PIK3C2G: variants seen among roughly 807,000 people sequenced by gnomAD.
The protein encoded by PIK3C2G is phosphatidylinositol-4-phosphate 3-kinase catalytic subunit type 2 gamma, also known as phosphatidylinositol 3-kinase C2 domain-containing subunit gamma.
A neutral mutation model predicts 181.1 loss-of-function variants in PIK3C2G; 168 were observed. The ratio of observed to expected loss-of-function variants is 0.93; its 90% confidence interval spans 0.82 to 1.05. The LOEUF is 1.05. Among genes scored for constraint, PIK3C2G ranks in the 50% least tolerant of loss-of-function variants. The probability of loss-of-function intolerance (pLI) is 0.00; values close to 1 mark genes in which losing one functional copy is unlikely to be tolerated. For missense variants in PIK3C2G, 1,869 were observed against 1,732.8 expected, an observed-to-expected ratio of 1.08 and a Z score of -1.40; for synonymous variants, 573 against 592.2, an observed-to-expected ratio of 0.97 and a Z score of 0.47.
chr12:18,644,727 T>C (rs900951905), intron 32 of PIK3C2G, among the ~76,000 whole-genome samples: 2 of 152,156 alleles, frequency 1.3e-5, no homozygotes, highest in African/African-American at 2.4e-5. Context: ...AGCCCAGAAC[T>C]GCCTGATTCC....
intron 1 of PIK3C2G, among the ~76,000 whole-genome samples, chr12:18,280,871 T>C (rs957875429): frequency 2.2e-4 from 34 of 151,882 alleles, no homozygotes; most frequent in Non-Finnish European, 4.0e-4. Context: ...GAGGGGAAGA[T>C]AGATTTAAGA....
At chr12:18,481,833 C>G (rs1939589294) in intron 18 of PIK3C2G, among the ~76,000 whole-genome samples, 1 of 152,030 alleles carries the variant, frequency 6.6e-6, no homozygotes, top group African/African-American at 2.4e-5. Flanking sequence ...AGAATAAGAT[C>G]CCCCTTATTC....
intron 1 of PIK3C2G, among the ~76,000 whole-genome samples, chr12:18,279,543 G>T (rs1048799277): frequency 6.6e-6 from 1 of 151,956 alleles, no homozygotes; most frequent in Admixed American, 6.6e-5. Context: ...AGCTACATTT[G>T]CCATAATAAA....
intron 30 of PIK3C2G, among the ~76,000 whole-genome samples, chr12:18,602,941 C>G (rs1470436214): frequency 6.6e-6 from 1 of 152,122 alleles, no homozygotes; most frequent in Non-Finnish European, 1.5e-5. Context: ...AAAACCAACC[C>G]TGGTAATATG....
intron 6 of PIK3C2G, 128 bp downstream of exon 6, chr12:18,314,192 C>A: frequency 1.7e-6 from 1 of 582,724 alleles, no homozygotes; most frequent in Non-Finnish European, 3.1e-6. Context: ...TAAATATATT[C>A]ATTGAAACAT....
chr12:18,343,091 CT>C (rs1168453275), intron 9 of PIK3C2G, among the ~76,000 whole-genome samples: 1 of 152,046 alleles, frequency 6.6e-6, no homozygotes, highest in East Asian at 1.9e-4. Context: ...GTGGTAATTT[CT>C]TTTTAAAAAA....
At chr12:18,534,590 G>A (rs543954187) in intron 24 of PIK3C2G, among the ~76,000 whole-genome samples, 140 of 152,024 alleles carry the variant, frequency 9.2e-4, no homozygotes, top group Non-Finnish European at 1.5e-3. Flanking sequence ...TTCATCGCAT[G>A]TAAGAGAATA....
intron 24 of PIK3C2G, among the ~76,000 whole-genome samples, chr12:18,512,940 T>C (rs917691454): frequency 5.3e-5 from 8 of 151,978 alleles, no homozygotes; most frequent in African/African-American, 1.7e-4. Context: ...TTGTCATATA[T>C]GGCCTTTATT....
chr12:18,616,728 G>A (rs917707173), intron 31 of PIK3C2G, among the ~76,000 whole-genome samples: 1 of 151,870 alleles, frequency 6.6e-6, no homozygotes, highest in Non-Finnish European at 1.5e-5. Flanking sequence ...ACCTAAAAAA[G>A]TTCTAACCTA....
At chr12:18,289,315 C>A (rs1309765828) in intron 3 of PIK3C2G, among the ~76,000 whole-genome samples, 3 of 152,226 alleles carry the variant, frequency 2.0e-5, no homozygotes, top group African/African-American at 7.2e-5. Context: ...CATGCCATAA[C>A]ATATGAAAGA....
chr12:18,472,937 T>C (rs2135984698), intron 18 of PIK3C2G, among the ~76,000 whole-genome samples: 1 of 152,236 alleles, frequency 6.6e-6, no homozygotes, highest in Non-Finnish European at 1.5e-5. Context: ...TGACCTCTGG[T>C]AATCCACCCA....
intron 18 of PIK3C2G, among the ~76,000 whole-genome samples, chr12:18,434,105 G>C (rs555179799): frequency 2.6e-4 from 40 of 152,182 alleles, no homozygotes; most frequent in Non-Finnish European, 5.1e-4. Flanking sequence ...TTGGTGTCTG[G>C]TAAGGGCCCA....
At chr12:18,408,763 A>G (rs1944687302) in intron 16 of PIK3C2G, among the ~76,000 whole-genome samples, 1 of 152,218 alleles carries the variant, frequency 6.6e-6, no homozygotes, top group Non-Finnish European at 1.5e-5. Flanking sequence ...TTCTCAAAAG[A>G]AGACATTTAT....
chr12:18,293,734 A>C (rs1338427978), intron 4 of PIK3C2G, among the ~76,000 whole-genome samples, 167 bp from the exon 5 acceptor site: 1 of 152,182 alleles, frequency 6.6e-6, no homozygotes, highest in Non-Finnish European at 1.5e-5. Context: ...ATATCTTTAA[A>C]TCTAACCAGT....
intron 1 of PIK3C2G, among the ~76,000 whole-genome samples, chr12:18,273,810 T>A (rs562270921): frequency 1.9e-3 from 288 of 152,240 alleles, no homozygotes; most frequent in African/African-American, 6.6e-3. Flanking sequence ...AAATGGGATC[T>A]AATTAAACTA....
intron 4 of PIK3C2G, among the ~76,000 whole-genome samples, chr12:18,293,371 T>C (rs1057286861): frequency 2.0e-5 from 3 of 152,178 alleles, no homozygotes; most frequent in African/African-American, 7.2e-5. Flanking sequence ...ATCTTAATGA[T>C]CACAGAATTG....
chr12:18,246,088 T>A (rs890477586), upstream of PIK3C2G, among the ~76,000 whole-genome samples: 1 of 152,176 alleles, frequency 6.6e-6, no homozygotes, highest in African/African-American at 2.4e-5. Context: ...TATCTCAATT[T>A]GAGCCCTCCA....
chr12:18,577,532 G>A (rs1946295496), intron 29 of PIK3C2G, among the ~76,000 whole-genome samples: 1 of 152,046 alleles, frequency 6.6e-6, no homozygotes, highest in Non-Finnish European at 1.5e-5. Context: ...AAATCTAATG[G>A]GAGAAGGCAT....
chr12:18,306,120 TGTACTA>T (rs1435578931), intron 5 of PIK3C2G, among the ~76,000 whole-genome samples: 2 of 152,018 alleles, frequency 1.3e-5, no homozygotes, highest in African/African-American at 2.4e-5. Context: ...GAAATGCATA[TGTACTA>T]TATGTACGAA....
Sources: allele counts gnomAD v4.1 joint callset (sites outside exome capture counted in the v4.1 genomes callset), GRCh38; gene constraint gnomAD v4.1.1; transcripts MANE v1.5; gene names NCBI Gene and HGNC (gene_info 2026-07-23, HGNC 2026-07-21).